The following DIS3L2 variants were observed in gnomAD, a reference collection of about 807,000 sequenced individuals.
DIS3L2 encodes the protein DIS3 like 3'-5' exoribonuclease 2, also known as DIS3-like exonuclease 2.
In DIS3L2, 34 loss-of-function variants were observed where a neutral mutation model predicts 97.5. The observed-to-expected ratio is 0.35, with a 90% CI of 0.27 to 0.46. The LOEUF is 0.46. DIS3L2 is among the 20% of genes least tolerant of loss of function. DIS3L2 has a pLI of 1.00. For synonymous variants in DIS3L2, 435 were observed against 445.2 expected, an observed-to-expected ratio of 0.98 and a Z score of 0.29; for missense variants, 1,038 against 1,146.0, an observed-to-expected ratio of 0.91 and a Z score of 1.36.
At chr2:232,309,002 A>C (rs1363689568) in intron 14 of DIS3L2, among the ~76,000 whole-genome samples, 1 of 152,138 alleles carries the variant, frequency 6.6e-6, no homozygotes, top group African/African-American at 2.4e-5. Context: ...GTGAAGGATG[A>C]GGGGAGGGAA....
intron 10 of DIS3L2, among the ~76,000 whole-genome samples, chr2:232,234,153 A>G (rs946743597): frequency 5.3e-5 from 8 of 152,148 alleles, no homozygotes; most frequent in African/African-American, 1.9e-4. Context: ...TCTGAACCCA[A>G]CCTGGTTTTG....
intron 6 of DIS3L2, among the ~76,000 whole-genome samples, chr2:232,099,206 G>T (rs553489440): frequency 9.5e-4 from 144 of 151,620 alleles, no homozygotes; most frequent in Non-Finnish European, 1.8e-3. Context: ...TAATATTAGG[G>T]TAGTATTTTT....
chr2:231,974,629 AT>A (rs1019573107), intron 1 of DIS3L2, among the ~76,000 whole-genome samples: 1 of 150,584 alleles, frequency 6.6e-6, no homozygotes, highest in Admixed American at 6.6e-5. Context: ...TTTTAAAAAA[AT>A]TTTTTTACAT....
At chr2:232,305,815 C>T (rs1694974250) in intron 14 of DIS3L2, among the ~76,000 whole-genome samples, 3 of 152,008 alleles carry the variant, frequency 2.0e-5, no homozygotes, top group African/African-American at 7.2e-5. Flanking sequence ...ATTAGTTGGG[C>T]GTGATGGCAC....
chr2:232,231,160 G>A (rs1166762406), intron 10 of DIS3L2, among the ~76,000 whole-genome samples: 1 of 152,208 alleles, frequency 6.6e-6, no homozygotes, highest in Non-Finnish European at 1.5e-5. Context: ...TAGACTGGAA[G>A]CTTGACATGA....
At chr2:232,296,620 G>A (rs1008693309) in intron 13 of DIS3L2, among the ~76,000 whole-genome samples, 1 of 152,154 alleles carries the variant, frequency 6.6e-6, no homozygotes, top group Non-Finnish European at 1.5e-5. Context: ...GAGTTTCCCT[G>A]CACAAGCCCT....
chr2:232,161,509 C>T (rs955713635), intron 8 of DIS3L2, among the ~76,000 whole-genome samples: 28 of 152,148 alleles, frequency 1.8e-4, no homozygotes, highest in African/African-American at 5.8e-4. Flanking sequence ...CTCGCTCTGT[C>T]GCCCAGCCTG....
At chr2:232,304,666 C>T (rs1321246509) in intron 14 of DIS3L2, among the ~76,000 whole-genome samples, 2 of 152,202 alleles carry the variant, frequency 1.3e-5, no homozygotes, top group East Asian at 1.9e-4. Flanking sequence ...TTCTTCCTGC[C>T]GTTAGCTGGT....
rs762357262 is a variant in DIS3L2, at chr2:232,210,423, A to G, written c.1204+18A>G. ...CGCTGACGGTAGGATGGAAATTTCTATAGCATCTTGGGTAGCAGGCAGTCT... is the reference window on the plus strand; with the variant it reads ...CGCTGACGGTAGGATGGAAATTTCTGTAGCATCTTGGGTAGCAGGCAGTCT... On this transcript the variant is annotated intron_variant, in intron 10 of 20. Coordinates refer to ENST00000325385, the MANE Select transcript of DIS3L2 (RefSeq NM_152383.5). The G allele has an allele frequency of 2.2e-5, 36 of 1,609,516 alleles. 1 individual carries two copies. The South Asian group carries it at 2.4e-4, about 11-fold the overall frequency.
At chr2:232,056,200 G>A (rs556838346) in intron 5 of DIS3L2, among the ~76,000 whole-genome samples, 75 of 151,970 alleles carry the variant, frequency 4.9e-4, no homozygotes, top group African/African-American at 1.5e-3. Flanking sequence ...GTGAAACCCC[G>A]TTTCTACTAA....
intron 5 of DIS3L2, among the ~76,000 whole-genome samples, chr2:232,064,767 T>A (rs1367797068): frequency 2.0e-5 from 3 of 152,288 alleles, no homozygotes; most frequent in African/African-American, 7.2e-5. Flanking sequence ...TTTGTTATAT[T>A]TTGCTTTGAA....
intron 5 of DIS3L2, among the ~76,000 whole-genome samples, chr2:232,053,970 T>C (rs1695477281): frequency 6.6e-6 from 1 of 152,172 alleles, no homozygotes; most frequent in South Asian, 2.1e-4. Flanking sequence ...ATCACATGAT[T>C]CATTCTCTGG....
At chr2:232,044,533 A>G (rs1330127231) in intron 5 of DIS3L2, among the ~76,000 whole-genome samples, 1 of 152,158 alleles carries the variant, frequency 6.6e-6, no homozygotes, top group Non-Finnish European at 1.5e-5. Context: ...GTAGGATGAT[A>G]AACTTGTTTC....
chr2:232,090,747 C>G (rs1696812006), intron 6 of DIS3L2, among the ~76,000 whole-genome samples: 1 of 152,130 alleles, frequency 6.6e-6, no homozygotes, highest in Non-Finnish European at 1.5e-5. Context: ...TGCTTGTGTT[C>G]AAAAGTGTTT....
intron 5 of DIS3L2, among the ~76,000 whole-genome samples, chr2:232,067,603 A>C (rs1199414679): frequency 1.3e-5 from 2 of 152,176 alleles, no homozygotes; most frequent in African/African-American, 2.4e-5. Context: ...TTATATCTGC[A>C]GTTGTTCAGT....
At chr2:232,209,159 T>TA (rs1692115656) in intron 9 of DIS3L2, among the ~76,000 whole-genome samples, 1 of 152,080 alleles carries the variant, frequency 6.6e-6, no homozygotes, top group South Asian at 2.1e-4. Flanking sequence ...TGGTTAGGAT[T>TA]AGAGAGGGCT....
At chr2:232,329,787 C>CCCGGGGGCG in intron 14 of DIS3L2, 26 bp from the exon 15 acceptor site, 10 of 1,062,210 alleles carry the variant, frequency 9.4e-6, no homozygotes, top group South Asian at 2.1e-5. Context: ...CCCAGCGGTC[C>CCCGGGGGCG]CTCCCATCCC....
chr2:232,277,167 C>CTCT (rs71296821), intron 13 of DIS3L2, among the ~76,000 whole-genome samples: 3 of 152,096 alleles, frequency 2.0e-5, no homozygotes, highest in Non-Finnish European at 4.4e-5. Context: ...AAGGGAGCTC[C>CTCT]GTGGTGAGGG....
intron 14 of DIS3L2, among the ~76,000 whole-genome samples, chr2:232,300,748 G>A (rs142101895): frequency 5.3e-5 from 8 of 150,066 alleles, no homozygotes; most frequent in East Asian, 2.0e-4. Context: ...CAAAACTCCC[G>A]GGCTCAAGTG....
Sources: allele counts gnomAD v4.1 joint callset (sites outside exome capture counted in the v4.1 genomes callset), GRCh38; gene constraint gnomAD v4.1.1; transcripts MANE v1.5; gene names NCBI Gene and HGNC (gene_info 2026-07-23, HGNC 2026-07-21).